The following CSMD3 variants were observed in gnomAD, a reference collection of about 807,000 sequenced individuals.
CSMD3 encodes CUB and Sushi multiple domains 3.
In CSMD3, 177 loss-of-function variants were observed where a neutral mutation model predicts 435.2. That is an observed-to-expected ratio of 0.41 (90% CI 0.36 to 0.46). The LOEUF (loss-of-function observed/expected upper bound fraction) is 0.46. Ranked by LOEUF, CSMD3 falls within the 20% of genes least tolerant of loss-of-function variation. The pLI is 0.34. For missense variants in CSMD3, 4,265 were observed against 4,504.6 expected (o/e 0.95, Z 1.52); for synonymous variants, 1,656 against 1,520.5 (o/e 1.09, Z -2.07).
At chr8:112,310,860 T>C (rs10505180) in intron 50 of CSMD3, 118 bp downstream of exon 50, 172,838 of 824,306 alleles carry the variant, frequency 0.21, 20,164 homozygotes, top group Middle Eastern at 0.29. Flanking sequence ...ATGAAAAGAG[T>C]TCACAATATG....
intron 32 of CSMD3, among the ~76,000 whole-genome samples, chr8:112,462,974 G>T (rs1039743097): frequency 6.6e-6 from 1 of 152,188 alleles, no homozygotes; most frequent in Non-Finnish European, 1.5e-5. Flanking sequence ...GAAACTGCTT[G>T]GCAGTTTGCC....
intron 32 of CSMD3, among the ~76,000 whole-genome samples, chr8:112,468,181 A>G (rs1211372759): frequency 1.3e-5 from 2 of 151,916 alleles, no homozygotes; most frequent in African/African-American, 4.8e-5. Context: ...TCTGAATTAT[A>G]AAGAGGTCTT....
chr8:113,395,866 A>G (rs945961269), intron 1 of CSMD3, among the ~76,000 whole-genome samples: 6 of 152,094 alleles, frequency 3.9e-5, no homozygotes, highest in Admixed American at 1.3e-4. Flanking sequence ...TCTTTTAACC[A>G]TGTTCTAATA....
chr8:112,974,201 A>C (rs2130923699), intron 7 of CSMD3, among the ~76,000 whole-genome samples: 1 of 152,032 alleles, frequency 6.6e-6, no homozygotes, highest in Non-Finnish European at 1.5e-5. Context: ...GAACCACCTT[A>C]AAAGTATTTA....
chr8:112,846,095 C>T (rs1293025434), intron 11 of CSMD3, among the ~76,000 whole-genome samples: 2 of 151,708 alleles, frequency 1.3e-5, no homozygotes, highest in Non-Finnish European at 2.9e-5. Context: ...AATGTGTTTT[C>T]ATTATAAAAT....
chr8:113,013,151 G>GA (rs557395366), intron 6 of CSMD3, among the ~76,000 whole-genome samples: 21 of 151,016 alleles, frequency 1.4e-4, no homozygotes, highest in Non-Finnish European at 2.2e-4. Context: ...ATCTGTTATA[G>GA]AAAAAAAAAT....
chr8:113,127,759 T>C (rs979286416), intron 4 of CSMD3, among the ~76,000 whole-genome samples: 1 of 152,118 alleles, frequency 6.6e-6, no homozygotes, highest in African/African-American at 2.4e-5. Context: ...CCTCCTATAA[T>C]GCTTCAAAAA....
chr8:112,772,154 A>G (rs1380478279), intron 13 of CSMD3, among the ~76,000 whole-genome samples: 2 of 145,554 alleles, frequency 1.4e-5, no homozygotes, highest in Non-Finnish European at 3.0e-5. Flanking sequence ...AAAATTTAAT[A>G]AAGGGCATTG....
rs537120944 is a variant in CSMD3 at position 112,585,633 on chromosome 8, G to A, written c.3885+1433C>T. 5.9e-5 allele frequency among the ~76,000 whole-genome samples: 9 copies of A among 151,688 alleles called. No homozygotes were observed. In the East Asian group the frequency reaches 1.7e-3, roughly 29 times the overall value. The stretch of plus-strand genomic sequence containing the variant: ...ATACCAGTATAGGAAAGAAATGAAT[G>A]AATTTTAAGCATCACAAAGAAATAT... On this transcript the variant is annotated intron_variant, in intron 23 of 70. Coordinates refer to ENST00000297405, the MANE Select transcript of CSMD3 (RefSeq NM_198123.2).
chr8:112,710,350 G>A (rs923637463), intron 13 of CSMD3, among the ~76,000 whole-genome samples: 1 of 152,072 alleles, frequency 6.6e-6, no homozygotes, highest in African/African-American at 2.4e-5. Flanking sequence ...AGGGTAACAC[G>A]TCTTTCTGGC....
At chr8:112,297,160 C>T (rs1229154498) in intron 53 of CSMD3, among the ~76,000 whole-genome samples, 3 of 144,046 alleles carry the variant, frequency 2.1e-5, no homozygotes, top group Admixed American at 7.0e-5. Flanking sequence ...GAAAATAATT[C>T]TTATGCAAAC....
In CSMD3 at chr8:113,073,301, T is replaced by C. The variant is rs369209714; in HGVS notation, c.917+25455A>G. Among the ~76,000 whole-genome samples, 7 of 151,942 alleles carry C rather than the reference T, an allele frequency of 4.6e-5. No homozygotes were observed. In the South Asian group the frequency reaches 1.0e-3, roughly 23 times the overall value. ...ATACAGTGACTTTTTTTTCCGACTA[T>C]CTTTTTAAGGATTTTTTAAAATTAC... is the stretch of plus-strand genomic sequence containing the variant. On this transcript the variant is annotated intron_variant, in intron 5 of 70. Transcript: ENST00000297405.
At chr8:112,598,214 T>C (rs1398803239) in intron 22 of CSMD3, among the ~76,000 whole-genome samples, 1 of 129,626 alleles carries the variant, frequency 7.7e-6, no homozygotes, top group African/African-American at 3.1e-5. Context: ...AGCATTCTTA[T>C]ACACCAACAA....
At chr8:112,250,007 A>G (rs1815126216) in intron 63 of CSMD3, among the ~76,000 whole-genome samples, 1 of 152,104 alleles carries the variant, frequency 6.6e-6, no homozygotes, top group African/African-American at 2.4e-5. Flanking sequence ...ACAAAATAAT[A>G]TAAAATTACT....
chr8:112,314,701 T>C, intron 47 of CSMD3, 84 bp from the exon 48 acceptor site: 1 of 902,934 alleles, frequency 1.1e-6, no homozygotes, highest in Non-Finnish European at 1.8e-6. Flanking sequence ...GTATTCTGCT[T>C]TCATGTTCAA....
chr8:113,424,282 C>T (rs377008822), intron 1 of CSMD3, among the ~76,000 whole-genome samples: 59 of 151,722 alleles, frequency 3.9e-4, no homozygotes, highest in African/African-American at 1.3e-3. Context: ...ACAGTATTTT[C>T]CCCATTATGT....
chr8:112,854,767 A>G lies in CSMD3; in HGVS notation c.1755+4378T>C, dbSNP rs571822953. On this transcript the variant is annotated intron_variant, in intron 11 of 70. Coordinates refer to ENST00000297405, the MANE Select transcript of CSMD3 (RefSeq NM_198123.2). ...CGAGTTTTCAGAGTCATTTCTGCCA[A>G]TTTCTGCCATTCCATTTTTCCTTTC... Among the ~76,000 whole-genome samples, 3 of 152,254 alleles carry G rather than the reference A, an allele frequency of 2.0e-5. No homozygotes were observed. The East Asian group carries it at 5.8e-4, about 29-fold the overall frequency.
At chr8:112,831,726 G>A (rs866766987) in intron 11 of CSMD3, among the ~76,000 whole-genome samples, 1 of 151,768 alleles carries the variant, frequency 6.6e-6, no homozygotes, top group Admixed American at 6.6e-5. Flanking sequence ...TCTTTATATT[G>A]GTGATTCTGA....
At chr8:112,701,422 A>C (rs72678462) in intron 13 of CSMD3, among the ~76,000 whole-genome samples, 2 of 152,096 alleles carry the variant, frequency 1.3e-5, no homozygotes, top group South Asian at 4.1e-4. Context: ...CCACAGTTAT[A>C]TATGTAGAAA....
Sources: allele counts gnomAD v4.1 joint callset (sites outside exome capture counted in the v4.1 genomes callset), GRCh38; gene constraint gnomAD v4.1.1; transcripts MANE v1.5; gene names NCBI Gene and HGNC (gene_info 2026-07-23, HGNC 2026-07-21).